Variants in PACRG observed in about 807,000 individuals in gnomAD.
The protein encoded by PACRG is parkin coregulated, also known as parkin coregulated gene protein.
In PACRG, 29 loss-of-function variants were observed where a neutral mutation model predicts 29.7. The ratio of observed to expected loss-of-function variants is 0.98; its 90% CI spans 0.73 to 1.33. The LOEUF (loss-of-function observed/expected upper bound fraction) is 1.33. Among genes scored for constraint, PACRG ranks in the 40% most tolerant of loss-of-function variants. The probability of loss-of-function intolerance (pLI) is 0.00; values close to 1 mark genes in which losing one functional copy is unlikely to be tolerated. For synonymous variants in PACRG, 116 were observed against 118.7 expected (o/e 0.98, Z 0.15); for missense variants, 279 against 316.2 (o/e 0.88, Z 0.89).
chr6:162,737,273 A>G (rs1162688663), intron 1 of PACRG, among the ~76,000 whole-genome samples: 1 of 152,120 alleles, frequency 6.6e-6, no homozygotes, highest in Non-Finnish European at 1.5e-5. Flanking sequence ...CATGATACAA[A>G]TGAGGGGGTT....
At chr6:163,077,539 C>T (rs940150012) in intron 3 of PACRG, among the ~76,000 whole-genome samples, 2 of 152,068 alleles carry the variant, frequency 1.3e-5, no homozygotes, top group Non-Finnish European at 2.9e-5. Flanking sequence ...TATCACAATA[C>T]AAAAATTACT....
chr6:162,975,366 A>G (rs1375183993), intron 2 of PACRG, among the ~76,000 whole-genome samples: 1 of 152,216 alleles, frequency 6.6e-6, no homozygotes, highest in Non-Finnish European at 1.5e-5. Context: ...TAAATCAAAA[A>G]CATGTCTTAA....
chr6:163,016,601 A>C (rs1337281988), intron 2 of PACRG, among the ~76,000 whole-genome samples: 1 of 152,156 alleles, frequency 6.6e-6, no homozygotes, highest in Non-Finnish European at 1.5e-5. Flanking sequence ...AATGGTTCCA[A>C]AGATGAATAT....
intron 1 of PACRG, among the ~76,000 whole-genome samples, chr6:162,730,928 G>A (rs1779718390): frequency 6.6e-6 from 1 of 152,088 alleles, no homozygotes; most frequent in Non-Finnish European, 1.5e-5. Context: ...CCAGAAACTA[G>A]TAACCCAGTA....
chr6:162,753,719 G>A (rs1199141378), intron 1 of PACRG, among the ~76,000 whole-genome samples: 4 of 152,080 alleles, frequency 2.6e-5, no homozygotes, highest in Non-Finnish European at 5.9e-5. Context: ...TTAAAAGTGT[G>A]TAGCTTTTTT....
At chr6:162,920,098 C>T (rs1443931297) in intron 2 of PACRG, among the ~76,000 whole-genome samples, 3 of 151,378 alleles carry the variant, frequency 2.0e-5, no homozygotes, top group Admixed American at 6.6e-5. Flanking sequence ...TTGATCTTGG[C>T]GCATAGAAGG....
intron 1 of PACRG, among the ~76,000 whole-genome samples, chr6:162,773,390 T>G (rs908408249): frequency 7.2e-5 from 11 of 152,116 alleles, no homozygotes; most frequent in African/African-American, 2.7e-4. Context: ...CACGAATACT[T>G]TAAAAATAGA....
chr6:163,236,734 C>T (rs983061931), intron 4 of PACRG, among the ~76,000 whole-genome samples: 2 of 152,056 alleles, frequency 1.3e-5, no homozygotes, highest in Non-Finnish European at 2.9e-5. Flanking sequence ...TGTATTAGTC[C>T]GTTTTCACAC....
rs1218510004 is a variant in PACRG at position 162,947,633 on chromosome 6, TATATATATATATATAC to T, written c.292-114515_292-114500del. On this transcript the variant is annotated intron_variant, in intron 2 of 4. Coordinates refer to ENST00000366888, the MANE Select transcript of PACRG (RefSeq NM_001080379.2). ...AATCATATATATATATATATATATA[TATATATATATATATAC>T]ACCCAAAGATTCCACCAAAAATCTC... Among the ~76,000 whole-genome samples the T allele has an allele frequency of 8.6e-4, 64 of 74,424 alleles. 4 individuals are homozygous for T. Among genetic ancestry groups the T allele is most frequent in the African/African-American group, 2.9e-3 (54 of 18,692 alleles). The allele number at this position is 74,424 out of a possible 152,430, so 48.8% of individuals were successfully genotyped here. A position where few individuals can be genotyped will look rare whatever the true frequency, so the allele number is the denominator to read the frequency against.
rs1029756076 is a variant in PACRG, at chr6:163,000,331, G to A, written c.292-61819G>A. Among the ~76,000 whole-genome samples the A allele has an allele frequency of 2.6e-4, 40 of 152,216 alleles. 1 individual carries two copies. Among genetic ancestry groups the A allele is most frequent in the Admixed American group, 2.0e-3 (30 of 15,296 alleles). On this transcript the variant is annotated intron_variant, in intron 2 of 4. Transcript: ENST00000366888. ...TTCTTGCTGCATTTTCTGTTTTCGC[G>A]CTGGACAGACTTGCCCAGAAGTCAC...
chr6:162,996,805 A>C (rs1804106027), intron 2 of PACRG, among the ~76,000 whole-genome samples: 1 of 152,102 alleles, frequency 6.6e-6, no homozygotes, highest in African/African-American at 2.4e-5. Flanking sequence ...TTGTTTTTCA[A>C]ATTCTTTTCT....
At chr6:163,096,747 T>C (rs559191450) in intron 4 of PACRG, among the ~76,000 whole-genome samples, 1 of 152,294 alleles carries the variant, frequency 6.6e-6, no homozygotes, top group East Asian at 1.9e-4. Context: ...GTTAGGTAAA[T>C]GTCTCCTACC....
chr6:162,951,871 G>A (rs149851477), intron 2 of PACRG, among the ~76,000 whole-genome samples: 224 of 152,252 alleles, frequency 1.5e-3, no homozygotes, highest in African/African-American at 5.0e-3. Context: ...TAGCAAGAGA[G>A]CTGGGAGCTT....
At chr6:163,099,482 C>T (rs932527108) in intron 4 of PACRG, among the ~76,000 whole-genome samples, 1 of 152,192 alleles carries the variant, frequency 6.6e-6, no homozygotes, top group Non-Finnish European at 1.5e-5. Flanking sequence ...AAGCAAATAG[C>T]AATTTCTAAA....
chr6:162,911,871 G>T (rs1796327076), intron 2 of PACRG, among the ~76,000 whole-genome samples: 1 of 152,176 alleles, frequency 6.6e-6, no homozygotes, highest in African/African-American at 2.4e-5. Context: ...AACTCTGAAA[G>T]TCCTGTAGAA....
At position 162,777,913 on chromosome 6, in the gene PACRG, T is replaced by C. The variant is rs1351116586; in HGVS notation, c.157-36234T>C. Among the ~76,000 whole-genome samples the C allele has an allele frequency of 2.6e-5, 4 of 152,096 alleles. No individual in the cohort carries two copies. The highest frequency in any genetic ancestry group is 5.9e-5 in the Non-Finnish European group (4 of 68,000). On this transcript the variant is annotated intron_variant, in intron 1 of 4. Coordinates refer to ENST00000366888, the MANE Select transcript of PACRG (RefSeq NM_001080379.2). The surrounding 1 kb of genome is among the most constrained non-coding windows in gnomAD (Gnocchi z 4.0). ...TTTCCTTCCTTCTTTCATTCCTTCC[T>C]TCCATCTCCTTTCTCCCAAAACATA...
At chr6:163,243,384 T>C (rs964210450) in intron 4 of PACRG, among the ~76,000 whole-genome samples, 1 of 152,238 alleles carries the variant, frequency 6.6e-6, no homozygotes, top group African/African-American at 2.4e-5. Flanking sequence ...ACGTACACTC[T>C]GTGTTTGTGT....
intron 4 of PACRG, among the ~76,000 whole-genome samples, chr6:163,243,372 T>A (rs1782574222): frequency 6.6e-6 from 1 of 152,192 alleles, no homozygotes; most frequent in Non-Finnish European, 1.5e-5. Context: ...GTGTGAATGT[T>A]CACGTACACT....
At chr6:162,990,142 TG>T (rs1803311964) in intron 2 of PACRG, among the ~76,000 whole-genome samples, 1 of 151,926 alleles carries the variant, frequency 6.6e-6, no homozygotes, top group African/African-American at 2.4e-5. Context: ...CTATCATTGT[TG>T]GACATTTGGG....
Sources: gnomAD v4.1 joint callset for allele counts (sites outside exome capture counted in the v4.1 genomes callset) on GRCh38, gnomAD v4.1.1 for gene constraint, Gnocchi (gnomAD v3.1) non-coding constraint, MANE v1.5 for transcripts, NCBI Gene and HGNC (gene_info 2026-07-23, HGNC 2026-07-21) for gene names.